Variants in TCF12 observed in about 807,000 individuals in gnomAD.
The protein encoded by TCF12 is DNA-binding protein HTF4.
TCF12 carries 45 observed loss-of-function variants against 86.0 expected under a neutral mutation model. That is an observed-to-expected ratio of 0.52 (90% CI 0.41 to 0.67). The LOEUF is 0.67. Among genes scored for constraint, TCF12 ranks in the 30% least tolerant of loss-of-function variants. The pLI, the probability that TCF12 is intolerant of heterozygous loss-of-function variation, is 0.00. For synonymous variants in TCF12, 330 were observed against 299.6 expected (o/e 1.10, Z -1.05); for missense variants, 881 against 859.9 (o/e 1.02, Z -0.31).
intron 5 of TCF12, among the ~76,000 whole-genome samples, chr15:57,128,008 G>A (rs2051803828): frequency 6.6e-6 from 1 of 152,062 alleles, no homozygotes; most frequent in African/African-American, 2.4e-5. Flanking sequence ...GGGATATAAT[G>A]TTCATGGATG....
At chr15:57,023,868 A>G (rs2065650132) in intron 3 of TCF12, among the ~76,000 whole-genome samples, 1 of 152,186 alleles carries the variant, frequency 6.6e-6, no homozygotes, top group African/African-American at 2.4e-5. Context: ...TTGGGACATA[A>G]GTATTCCACC....
chr15:57,007,370 A>G (rs2064444236), intron 3 of TCF12, among the ~76,000 whole-genome samples: 2 of 152,230 alleles, frequency 1.3e-5, no homozygotes, highest in African/African-American at 4.8e-5. Context: ...GATAAAAACA[A>G]AAAAGGTATG....
intron 3 of TCF12, among the ~76,000 whole-genome samples, chr15:56,925,000 A>T (rs1166281545): frequency 6.6e-6 from 1 of 152,082 alleles, no homozygotes; most frequent in East Asian, 1.9e-4. Flanking sequence ...GGAGTTTGAG[A>T]CCAGCCTGGC....
At chr15:56,929,436 A>C (rs1266260203) in intron 3 of TCF12, among the ~76,000 whole-genome samples, 3 of 152,182 alleles carry the variant, frequency 2.0e-5, no homozygotes, top group Admixed American at 6.5e-5. Flanking sequence ...TAATTTTTAA[A>C]GATACCCTTG....
chr15:57,021,471 A>G (rs2065476802), intron 3 of TCF12, among the ~76,000 whole-genome samples: 1 of 152,222 alleles, frequency 6.6e-6, no homozygotes, highest in Non-Finnish European at 1.5e-5. Flanking sequence ...GTGGCTTAGC[A>G]TACAGATGTG....
At chr15:56,969,099 A>G (rs532505488) in intron 3 of TCF12, among the ~76,000 whole-genome samples, 3 of 152,160 alleles carry the variant, frequency 2.0e-5, no homozygotes, top group African/African-American at 7.2e-5. Flanking sequence ...TCCTTTGTCA[A>G]CAAGGAATTT....
intron 3 of TCF12, among the ~76,000 whole-genome samples, chr15:56,977,003 G>A (rs1181009584): frequency 1.3e-5 from 2 of 152,092 alleles, no homozygotes; most frequent in Non-Finnish European, 2.9e-5. Context: ...ATAGCTATAT[G>A]TATCTAGTGG....
At chr15:57,244,623 C>A (rs892434963) in intron 13 of TCF12, among the ~76,000 whole-genome samples, 1 of 152,098 alleles carries the variant, frequency 6.6e-6, no homozygotes, top group African/African-American at 2.4e-5. Context: ...CCACACCCGG[C>A]TAATTTTTGT....
At chr15:57,221,383 GGTGTGTGT>G (rs144351636) in intron 8 of TCF12, among the ~76,000 whole-genome samples, 7 of 148,638 alleles carry the variant, frequency 4.7e-5, no homozygotes, top group South Asian at 2.1e-4. Flanking sequence ...ATGTGTGTGG[GGTGTGTGT>G]GTGTGTGTGT....
chr15:56,973,515 G>A (rs1161561272), intron 3 of TCF12, among the ~76,000 whole-genome samples: 2 of 152,064 alleles, frequency 1.3e-5, no homozygotes, highest in East Asian at 1.9e-4. Flanking sequence ...AGATGAAGAG[G>A]GCAATGTTCC....
chr15:56,973,382 C>T (rs1438541478), intron 3 of TCF12, among the ~76,000 whole-genome samples: 1 of 151,976 alleles, frequency 6.6e-6, no homozygotes, highest in Non-Finnish European at 1.5e-5. Flanking sequence ...CAAAAGGGCA[C>T]AGGATATTTG....
At chr15:56,925,025 C>T (rs528286139) in intron 3 of TCF12, among the ~76,000 whole-genome samples, 1 of 152,136 alleles carries the variant, frequency 6.6e-6, no homozygotes, top group African/African-American at 2.4e-5. Flanking sequence ...ATGGTGAAAC[C>T]CTATTTCTAC....
intron 4 of TCF12, among the ~76,000 whole-genome samples, chr15:57,090,553 A>AT (rs1247365544): frequency 6.6e-6 from 1 of 152,226 alleles, no homozygotes; most frequent in African/African-American, 2.4e-5. Context: ...TTTGACAGTT[A>AT]TTTAGCCCTC....
chr15:56,970,255 G>A (rs1242240929), intron 3 of TCF12, among the ~76,000 whole-genome samples: 1 of 151,774 alleles, frequency 6.6e-6, no homozygotes, highest in African/African-American at 2.4e-5. Context: ...GCTGAGGTGG[G>A]TGGATCACGA....
In TCF12 at chr15:57,022,785, T is replaced by C. The variant is rs1302574177; in HGVS notation, c.149-40965T>C. 2.0e-5 allele frequency among the ~76,000 whole-genome samples: 3 copies of C among 152,318 alleles called. No homozygotes were observed. The East Asian group carries it at 5.8e-4, about 29-fold the overall frequency. On this transcript the variant is annotated intron_variant, in intron 3 of 20. Coordinates refer to ENST00000333725, the MANE Select transcript of TCF12 (RefSeq NM_207037.2). ...CTAATTGGCGTGAGATGGTATCTCA[T>C]TGTGGTTTTGATTTTCATTTCTCTG...
chr15:57,143,974 G>C (rs2053180930), intron 5 of TCF12, among the ~76,000 whole-genome samples: 1 of 152,154 alleles, frequency 6.6e-6, no homozygotes, highest in Non-Finnish European at 1.5e-5. Flanking sequence ...AGGAGGCTCT[G>C]CTTTTAGGCA....
At chr15:57,243,824 C>A (rs1270381480) in intron 13 of TCF12, among the ~76,000 whole-genome samples, 1 of 151,944 alleles carries the variant, frequency 6.6e-6, no homozygotes, top group Admixed American at 6.6e-5. Flanking sequence ...AAAAATAAGA[C>A]CAGGCAATTG....
At chr15:57,164,213 C>A (rs9672315) in intron 5 of TCF12, among the ~76,000 whole-genome samples, 2 of 152,172 alleles carry the variant, frequency 1.3e-5, no homozygotes, top group Non-Finnish European at 2.9e-5. Flanking sequence ...AACCTCCATT[C>A]TCCCTCAAGA....
intron 3 of TCF12, among the ~76,000 whole-genome samples, chr15:57,005,522 A>G (rs1316872676): frequency 6.6e-6 from 1 of 152,074 alleles, no homozygotes; most frequent in African/African-American, 2.4e-5. Context: ...TCTATATAAC[A>G]GTTTTTGAGT....
Sources: allele counts gnomAD v4.1 joint callset (sites outside exome capture counted in the v4.1 genomes callset), GRCh38; gene constraint gnomAD v4.1.1; transcripts MANE v1.5; gene names NCBI Gene and HGNC (gene_info 2026-07-23, HGNC 2026-07-21).